The following PTPRZ1 variants were observed in gnomAD, a reference collection of about 807,000 sequenced individuals.
PTPRZ1 encodes receptor-type tyrosine-protein phosphatase zeta.
Under a neutral mutation model 214.1 loss-of-function variants are expected in PTPRZ1, and 82 were observed. That is an observed-to-expected ratio of 0.38 (90% CI 0.32 to 0.46). The LOEUF (loss-of-function observed/expected upper bound fraction) is 0.46, where lower values mean the gene tolerates loss of function less well. Among genes scored for constraint, PTPRZ1 ranks in the 20% least tolerant of loss-of-function variants. The probability of loss-of-function intolerance (pLI) is 1.00; values close to 1 mark genes in which losing one functional copy is unlikely to be tolerated. For missense variants in PTPRZ1, 2,603 were observed against 2,748.7 expected (o/e 0.95, Z 1.19); for synonymous variants, 945 against 987.9 (o/e 0.96, Z 0.81).
chr7:121,981,834 AT>A (rs1171490535), intron 6 of PTPRZ1, among the ~76,000 whole-genome samples: 1 of 151,770 alleles, frequency 6.6e-6, no homozygotes, highest in Non-Finnish European at 1.5e-5. Flanking sequence ...TATCAAAAAT[AT>A]TTTTTTCCAC....
chr7:121,971,156 G>A (rs1437007653), intron 3 of PTPRZ1, among the ~76,000 whole-genome samples: 1 of 151,914 alleles, frequency 6.6e-6, no homozygotes, highest in Non-Finnish European at 1.5e-5. Context: ...TGTTCCATTG[G>A]TCTCTACCTC....
intron 1 of PTPRZ1, among the ~76,000 whole-genome samples, chr7:121,898,485 A>G (rs1364566630): frequency 1.3e-5 from 2 of 152,142 alleles, no homozygotes; most frequent in Non-Finnish European, 2.9e-5. Context: ...ATTGTATTCA[A>G]ATTGTATTTT....
intron 17 of PTPRZ1, 132 bp downstream of exon 17, chr7:122,034,510 G>A (rs1799479698): frequency 1.5e-6 from 1 of 687,176 alleles, no homozygotes. Flanking sequence ...GGAATAATAA[G>A]ACTTGTGTTA....
At chr7:122,054,201 A>G (rs1167193571) in intron 26 of PTPRZ1, among the ~76,000 whole-genome samples, 163 bp downstream of exon 26, 1 of 152,154 alleles carries the variant, frequency 6.6e-6, no homozygotes. Flanking sequence ...GTTTCATTAT[A>G]CAATCTCCTA....
intron 12 of PTPRZ1, among the ~76,000 whole-genome samples, chr7:122,017,538 CATTTATTTATTTATTT>C: frequency 7.1e-6 from 1 of 140,112 alleles, no homozygotes; most frequent in East Asian, 2.1e-4. Flanking sequence ...TGATACATTA[CATTTATTTATTTATTT>C]ATTTATTTAT....
In PTPRZ1 at chr7:121,976,165, T is replaced by C; in HGVS notation, c.457-8T>C. 1 of 1,581,916 alleles carries C rather than the reference T, an allele frequency of 6.3e-7. No homozygotes were observed. Among genetic ancestry groups the C allele is most frequent in the East Asian group, 2.2e-5 (1 of 44,514 alleles). ...TGTATCATAAAACTATCATTGTTACTTTTATAGATGCAAATCTACTGCTTT... is the reference window on the plus strand; with the variant it reads ...TGTATCATAAAACTATCATTGTTACCTTTATAGATGCAAATCTACTGCTTT... On this transcript the variant is annotated splice_region_variant and splice_polypyrimidine_tract_variant and intron_variant, in intron 4 of 29. Transcript: ENST00000393386.
intron 22 of PTPRZ1, among the ~76,000 whole-genome samples, chr7:122,043,255 T>G (rs1383119220): frequency 6.6e-6 from 1 of 152,144 alleles, no homozygotes; most frequent in African/African-American, 2.4e-5. Flanking sequence ...CAGATAAATT[T>G]TATCTGTTTT....
At chr7:122,058,238 T>C (rs1050509180) in intron 27 of PTPRZ1, among the ~76,000 whole-genome samples, 1 of 151,968 alleles carries the variant, frequency 6.6e-6, no homozygotes, top group Non-Finnish European at 1.5e-5. Flanking sequence ...TTTAAAAAAG[T>C]ACACTTTTGG....
intron 1 of PTPRZ1, among the ~76,000 whole-genome samples, chr7:121,887,137 C>A (rs576221475): frequency 6.6e-6 from 1 of 152,100 alleles, no homozygotes; most frequent in East Asian, 1.9e-4. Flanking sequence ...ACTCACATTG[C>A]GTGTCTGTTG....
At chr7:121,996,642 G>T in intron 9 of PTPRZ1, 76 bp downstream of exon 9, 1 of 1,171,732 alleles carries the variant, frequency 8.5e-7, no homozygotes, top group Non-Finnish European at 1.2e-6. Flanking sequence ...ACAAATGGTT[G>T]TATATTATTT....
At chr7:122,021,193 G>A (rs1799006039) in intron 13 of PTPRZ1, among the ~76,000 whole-genome samples, 1 of 152,024 alleles carries the variant, frequency 6.6e-6, no homozygotes, top group African/African-American at 2.4e-5. Context: ...TACTTTTCAA[G>A]TATATTTTCT....
At chr7:121,946,244 G>T (rs1014862606) in intron 2 of PTPRZ1, among the ~76,000 whole-genome samples, 3 of 152,156 alleles carry the variant, frequency 2.0e-5, no homozygotes, top group African/African-American at 7.2e-5. Flanking sequence ...CTGTTTGGCC[G>T]CATGGAGGAT....
At chr7:122,016,760 G>A (rs1798854794) in intron 12 of PTPRZ1, among the ~76,000 whole-genome samples, 1 of 151,416 alleles carries the variant, frequency 6.6e-6, no homozygotes, top group Non-Finnish European at 1.5e-5. Flanking sequence ...AATGAAATAT[G>A]TAATTATATA....
intron 1 of PTPRZ1, among the ~76,000 whole-genome samples, chr7:121,876,928 C>T (rs184737381): frequency 2.5e-4 from 38 of 152,140 alleles, no homozygotes; most frequent in South Asian, 1.7e-3. Flanking sequence ...CCTTTAACTC[C>T]GAAAAGATTT....
rs372436761 is a variant in PTPRZ1 at position 121,909,360 on chromosome 7, TCAGTCCAACTGGAACGAGTTC to T, written c.59-18781_59-18761del. Among the ~76,000 whole-genome samples, 828 of 152,238 alleles carry T rather than the reference TCAGTCCAACTGGAACGAGTTC, an allele frequency of 5.4e-3. 6 individuals carry two copies. The highest frequency in any genetic ancestry group is 0.018 in the African/African-American group (742 of 41,552). On this transcript the variant is annotated intron_variant, in intron 1 of 29. Transcript: ENST00000393386. ...ACAAGCTAGGCAGAGCCTGCTGCCCTCAGTCCAACTGGAACGAGTTCCAGTCCAACTGGAATGAGAGGATTT... is the reference window on the plus strand; with the variant it reads ...ACAAGCTAGGCAGAGCCTGCTGCCCTCAGTCCAACTGGAATGAGAGGATTT...
chr7:122,027,869 C>A (rs1799249210), intron 13 of PTPRZ1, among the ~76,000 whole-genome samples: 1 of 152,148 alleles, frequency 6.6e-6, no homozygotes, highest in Non-Finnish European at 1.5e-5. Flanking sequence ...AGACTAGCAT[C>A]TGTTGGGAAG....
intron 23 of PTPRZ1, among the ~76,000 whole-genome samples, chr7:122,049,149 A>T (rs1792094050): frequency 6.6e-6 from 1 of 152,094 alleles, no homozygotes; most frequent in Non-Finnish European, 1.5e-5. Flanking sequence ...TGTTCATTTA[A>T]AAAAAGAACT....
intron 2 of PTPRZ1, among the ~76,000 whole-genome samples, chr7:121,937,429 G>C (rs1796117423): frequency 6.6e-6 from 1 of 152,138 alleles, no homozygotes; most frequent in Admixed American, 6.5e-5. Flanking sequence ...TGATGCACCT[G>C]GCGGCTCCCC....
At chr7:121,943,253 G>A (rs964009094) in intron 2 of PTPRZ1, among the ~76,000 whole-genome samples, 3 of 152,136 alleles carry the variant, frequency 2.0e-5, no homozygotes, top group African/African-American at 7.2e-5. Context: ...AACTTTTACA[G>A]TATGTTCTTT....
Sources: gnomAD v4.1 joint callset for allele counts (sites outside exome capture counted in the v4.1 genomes callset) on GRCh38, gnomAD v4.1.1 for gene constraint, MANE v1.5 for transcripts, NCBI Gene and HGNC (gene_info 2026-07-23, HGNC 2026-07-21) for gene names.